The following NREP variants were observed in gnomAD, a reference collection of about 807,000 sequenced individuals.
NREP encodes neuronal regeneration related protein, also known as neuronal regeneration-related protein.
Under a neutral mutation model 8.6 loss-of-function variants are expected in NREP, and 5 were observed. The ratio of observed to expected loss-of-function variants is 0.58; its 90% CI spans 0.30 to 1.22. NREP has a LOEUF of 1.22. Among genes scored for constraint, NREP ranks in the 50% most tolerant of loss-of-function variants. The pLI is 0.07. For synonymous variants in NREP, 27 were observed against 28.0 expected, an observed-to-expected ratio of 0.96 and a Z score of 0.11; for missense variants, 86 against 82.5, an observed-to-expected ratio of 1.04 and a Z score of -0.17.
At chr5:111,746,853 T>C (rs903894049) in intron 2 of NREP, among the ~76,000 whole-genome samples, 1 of 152,178 alleles carries the variant, frequency 6.6e-6, no homozygotes, top group Non-Finnish European at 1.5e-5. Context: ...CAACTGAAAT[T>C]CCGATATTGC....
chr5:111,968,706 C>A (rs77486408), intron 2 of NREP, among the ~76,000 whole-genome samples: 14,289 of 152,190 alleles, frequency 0.094, 1,002 homozygotes, highest in African/African-American at 0.19. Flanking sequence ...GTGATGCATG[C>A]CCTAGCCCCA....
intron 2 of NREP, among the ~76,000 whole-genome samples, chr5:111,957,874 G>T (rs2112647148): frequency 6.6e-6 from 1 of 151,868 alleles, no homozygotes; most frequent in African/African-American, 2.4e-5. Flanking sequence ...AAGCATTAAG[G>T]ACAAGAAATA....
chr5:111,855,368 G>A (rs1753403315), intron 2 of NREP, among the ~76,000 whole-genome samples: 2 of 152,126 alleles, frequency 1.3e-5, no homozygotes, highest in Admixed American at 6.5e-5. Context: ...ACAGTTGTCG[G>A]CACAGGTAAT....
At chr5:111,810,800 G>A (rs1016339875) in intron 2 of NREP, among the ~76,000 whole-genome samples, 2 of 152,050 alleles carry the variant, frequency 1.3e-5, no homozygotes, top group Admixed American at 6.5e-5. Flanking sequence ...TTGTTTTGGG[G>A]GGTACAAAAT....
At chr5:111,757,229 T>TGG (rs200418898), upstream of NREP, 37 of 181,318 alleles carry the variant, frequency 2.0e-4, no homozygotes, top group Admixed American at 1.3e-3. Flanking sequence ...AAAGACAGAT[T>TGG]GGGGGGGGAG....
At chr5:111,745,746 G>A (rs1418037351) in intron 2 of NREP, among the ~76,000 whole-genome samples, 1 of 152,132 alleles carries the variant, frequency 6.6e-6, no homozygotes, top group Non-Finnish European at 1.5e-5. Context: ...AATATGAAGT[G>A]TTTTTGTTCC....
chr5:111,898,456 A>T (rs1475603501), intron 2 of NREP, among the ~76,000 whole-genome samples: 1 of 152,160 alleles, frequency 6.6e-6, no homozygotes, highest in Non-Finnish European at 1.5e-5. Flanking sequence ...GGAAACGTAA[A>T]TGTACAGCAG....
At chr5:111,855,152 T>C (rs983656956) in intron 2 of NREP, among the ~76,000 whole-genome samples, 2 of 152,132 alleles carry the variant, frequency 1.3e-5, no homozygotes, top group African/African-American at 4.8e-5. Flanking sequence ...AAAGTGTCTA[T>C]GCCAAATTGT....
intron 2 of NREP, among the ~76,000 whole-genome samples, chr5:111,800,936 C>G (rs1300101688): frequency 6.6e-6 from 1 of 152,132 alleles, no homozygotes; most frequent in Non-Finnish European, 1.5e-5. Context: ...CCTAAATTCA[C>G]TTGGTAACTG....
chr5:111,798,638 C>A (rs1375880175), intron 2 of NREP, among the ~76,000 whole-genome samples: 3 of 151,966 alleles, frequency 2.0e-5, no homozygotes, highest in African/African-American at 7.3e-5. Context: ...TTTTCCATTC[C>A]TGAGTTACTT....
At chr5:111,953,324 T>A (rs1469013519) in intron 2 of NREP, among the ~76,000 whole-genome samples, 8 of 152,138 alleles carry the variant, frequency 5.3e-5, no homozygotes, top group African/African-American at 1.9e-4. Flanking sequence ...GGGCATGGGA[T>A]ATCTTGGGGC....
At chr5:111,838,356 A>C (rs1752945588) in intron 2 of NREP, among the ~76,000 whole-genome samples, 1 of 152,140 alleles carries the variant, frequency 6.6e-6, no homozygotes, top group Non-Finnish European at 1.5e-5. Flanking sequence ...GAATAAGCTA[A>C]ATAATACCGT....
At chr5:111,731,935 G>A (rs1200210992) in intron 3 of NREP, 2 of 152,262 alleles carry the variant, frequency 1.3e-5, no homozygotes, top group Admixed American at 1.3e-4. Flanking sequence ...GCACAATACA[G>A]GTATTCATTT....
At chr5:111,879,433 A>C (rs1022162200) in intron 2 of NREP, among the ~76,000 whole-genome samples, 1 of 152,238 alleles carries the variant, frequency 6.6e-6, no homozygotes, top group African/African-American at 2.4e-5. Flanking sequence ...GCAAAATTGC[A>C]GTATGTTAAG....
chr5:111,965,880 C>T (rs1308983558), intron 2 of NREP, among the ~76,000 whole-genome samples: 3 of 151,924 alleles, frequency 2.0e-5, no homozygotes, highest in African/African-American at 7.3e-5. Context: ...TAAGTAGGAC[C>T]AGTTATTCTT....
At chr5:111,817,347 C>T (rs954529015) in intron 2 of NREP, among the ~76,000 whole-genome samples, 2 of 152,094 alleles carry the variant, frequency 1.3e-5, no homozygotes, top group Non-Finnish European at 2.9e-5. Context: ...TTTTCTCATT[C>T]TCAATACCAG....
In NREP at chr5:111,898,241, A is replaced by T. The variant is rs191321030; in HGVS notation, c.135+77033T>A. 5.9e-5 allele frequency among the ~76,000 whole-genome samples: 9 copies of T among 152,316 alleles called. No individual in the cohort carries two copies. The East Asian group carries it at 1.5e-3, about 26-fold the overall frequency. ...TGTAGAAGCAGGAAAATATGGAAGGAGGCGATTGCAGTAATAAAGACAAGA... is the reference window on the plus strand; with the variant it reads ...TGTAGAAGCAGGAAAATATGGAAGGTGGCGATTGCAGTAATAAAGACAAGA... On this transcript the variant is annotated intron_variant, in intron 2 of 3. Coordinates refer to the NREP transcript ENST00000395634.
At chr5:111,750,582 T>A (rs535985939) in intron 2 of NREP, among the ~76,000 whole-genome samples, 86 of 152,316 alleles carry the variant, frequency 5.6e-4, no homozygotes, top group African/African-American at 1.9e-3. Flanking sequence ...TAATATAAGT[T>A]TTCCACTATC....
rs564896581 is a variant in NREP, at chr5:111,961,782, T to C, written c.135+13492A>G. Among the ~76,000 whole-genome samples the C allele has an allele frequency of 5.9e-5, 9 of 152,332 alleles. No homozygotes were observed. In the South Asian group the frequency reaches 1.5e-3, roughly 25 times the overall value. On this transcript the variant is annotated intron_variant, in intron 2 of 3. Transcript: ENST00000395634. ...CTAGAGCTCCAAATATAAATGCCTTTAGAGACTAAGCAACAACATAAACAC... is the reference window on the plus strand; with the variant it reads ...CTAGAGCTCCAAATATAAATGCCTTCAGAGACTAAGCAACAACATAAACAC...
Sources: allele counts gnomAD v4.1 joint callset (sites outside exome capture counted in the v4.1 genomes callset), GRCh38; gene constraint gnomAD v4.1.1; transcripts MANE v1.5; gene names NCBI Gene and HGNC (gene_info 2026-07-23, HGNC 2026-07-21).